The following EIF2AK4 variants were observed in gnomAD, a reference collection of about 807,000 sequenced individuals.
EIF2AK4 encodes eukaryotic translation initiation factor 2 alpha kinase 4, also known as eIF-2-alpha kinase GCN2.
A neutral mutation model predicts 211.1 loss-of-function variants in EIF2AK4; 139 were observed. That is an observed-to-expected ratio of 0.66 (90% CI 0.57 to 0.76). The LOEUF is 0.76. Ranked by LOEUF, EIF2AK4 falls within the 30% of genes least tolerant of loss-of-function variation. The probability of loss-of-function intolerance (pLI) is 0.00; values close to 1 mark genes in which losing one functional copy is unlikely to be tolerated. For synonymous variants in EIF2AK4, 710 were observed against 751.3 expected (o/e 0.94, Z 0.90); for missense variants, 1,664 against 2,043.8 (o/e 0.81, Z 3.58).
chr15:39,948,370 C>T (rs1479544396), intron 3 of EIF2AK4, among the ~76,000 whole-genome samples: 1 of 152,212 alleles, frequency 6.6e-6, no homozygotes, highest in Non-Finnish European at 1.5e-5. Context: ...CTCTTTACCT[C>T]TTTGGGGTTG....
At chr15:40,018,299 C>G (rs1449481718) in intron 29 of EIF2AK4, among the ~76,000 whole-genome samples, 1 of 152,064 alleles carries the variant, frequency 6.6e-6, no homozygotes, top group Non-Finnish European at 1.5e-5. Flanking sequence ...AGATTATTTT[C>G]TTTGTCTTTA....
intron 9 of EIF2AK4, among the ~76,000 whole-genome samples, chr15:39,968,403 C>T (rs1189306627): frequency 6.6e-6 from 1 of 152,164 alleles, no homozygotes; most frequent in East Asian, 1.9e-4. Context: ...ATTACAAAGC[C>T]AAGTTTTATC....
chr15:40,012,093 T>G (rs182803645), intron 27 of EIF2AK4, among the ~76,000 whole-genome samples: 252 of 152,202 alleles, frequency 1.7e-3, no homozygotes, highest in African/African-American at 6.0e-3. Flanking sequence ...ATCAGCAAAA[T>G]TCACATATGG....
intron 23 of EIF2AK4, among the ~76,000 whole-genome samples, chr15:40,005,751 T>G (rs1465488660): frequency 1.3e-5 from 2 of 151,802 alleles, no homozygotes; most frequent in Non-Finnish European, 1.5e-5. Flanking sequence ...TTTTGTATTT[T>G]TAGTAGAGAC....
At chr15:39,940,862 A>AC (rs1301260957) in intron 2 of EIF2AK4, among the ~76,000 whole-genome samples, 1 of 152,116 alleles carries the variant, frequency 6.6e-6, no homozygotes, top group Admixed American at 6.5e-5. Context: ...AGTACTTCTG[A>AC]CCATTTATAG....
At chr15:40,011,397 A>T (rs771216391) in intron 27 of EIF2AK4, 51 bp downstream of exon 27, 3 of 1,497,538 alleles carry the variant, frequency 2.0e-6, no homozygotes, top group Middle Eastern at 1.7e-4. Flanking sequence ...ATTTTGTGAT[A>T]CCAGAAAATG....
At position 39,939,580 on chromosome 15, in the gene EIF2AK4, G is replaced by A. The variant is rs759115064; in HGVS notation, c.220G>A (p.Asp74Asn). 6.1e-5 allele frequency: 99 copies of A among 1,612,810 alleles called. No individual in the cohort carries two copies. Among genetic ancestry groups the A allele is most frequent in the Non-Finnish European group, 8.2e-5 (97 of 1,179,210 alleles). The change falls in exon 2 of 39, where the codon GAT becomes AAT. Residue 74 changes from aspartate (D) to asparagine (N), a missense_variant. Coordinates refer to ENST00000263791, the MANE Select transcript of EIF2AK4 (RefSeq NM_001013703.4). ...TGGTGAAGAAGTATATGTAAAAGTGGATTTGAGGGTTAAATGCCCACCTAC... is the reference window on the plus strand; with the variant it reads ...TGGTGAAGAAGTATATGTAAAAGTGAATTTGAGGGTTAAATGCCCACCTAC... ...LTGEEVYVKV[D>N]LRVKCPPTYP... is the part of the protein sequence containing the mutation.
chr15:39,998,905 G>GA (rs1175075882), intron 20 of EIF2AK4, 121 bp downstream of exon 20: 8 of 744,742 alleles, frequency 1.1e-5, no homozygotes, highest in Non-Finnish European at 1.3e-5. Flanking sequence ...ACAACGTGGG[G>GA]AAAAAATATG....
rs780711125 is a variant in EIF2AK4 at position 39,985,868 on chromosome 15, G to A, written c.2383G>A (p.Val795Met). 4.3e-6 allele frequency: 7 copies of A among 1,613,946 alleles called. No individual in the cohort carries two copies. The East Asian group carries it at 8.9e-5, about 21-fold the overall frequency. ...TGAGCCATCAGTGACGACTGAGGCT[G>A]TGCACTACCTATACATCCAGGTGAG... ...ESEPSVTTEA[V>M]HYLYIQMEYC... Residue 795 changes from valine (V) to methionine (M), a missense_variant, in exon 14 of 39, where the codon GTG becomes ATG. Val to Met is a conservative substitution (Grantham distance 21). Coordinates refer to ENST00000263791, the MANE Select transcript of EIF2AK4 (RefSeq NM_001013703.4).
At chr15:39,989,964 C>T (rs1315944785) in intron 15 of EIF2AK4, among the ~76,000 whole-genome samples, 1 of 152,168 alleles carries the variant, frequency 6.6e-6, no homozygotes, top group African/African-American at 2.4e-5. Flanking sequence ...TCTCCCTGAC[C>T]AGAGGAGAGG....
At chr15:39,979,171 CTG>C (rs1464710306) in intron 13 of EIF2AK4, among the ~76,000 whole-genome samples, 2 of 152,060 alleles carry the variant, frequency 1.3e-5, no homozygotes, top group Admixed American at 6.6e-5. Context: ...GGCAAGGTGA[CTG>C]TGTAAAGCAA....
chr15:40,032,545 T>A (rs2035557703), intron 36 of EIF2AK4, among the ~76,000 whole-genome samples: 1 of 152,236 alleles, frequency 6.6e-6, no homozygotes, highest in South Asian at 2.1e-4. Context: ...CTTTCGGGTG[T>A]GGTGTAGAGG....
intron 3 of EIF2AK4, among the ~76,000 whole-genome samples, chr15:39,944,802 G>A (rs1595541872): frequency 1.3e-5 from 2 of 152,282 alleles, no homozygotes; most frequent in Admixed American, 1.3e-4. Flanking sequence ...ACTTTTATTA[G>A]ACATAACCAA....
chr15:39,942,015 G>A (rs557251494), intron 2 of EIF2AK4, among the ~76,000 whole-genome samples: 34 of 152,216 alleles, frequency 2.2e-4, no homozygotes, highest in African/African-American at 6.5e-4. Flanking sequence ...GAATTATATA[G>A]CAAGGAAATA....
At position 39,994,623 on chromosome 15, in the gene EIF2AK4, G is replaced by A. The variant is rs908452135; in HGVS notation, c.2766+1775G>A. Reference sequence around the variant, plus strand: ...GACCCTGTCTGAATCAATTATATATGTGTAAAATAAAATACATTAGGAAAG... The same window carrying A: ...GACCCTGTCTGAATCAATTATATATATGTAAAATAAAATACATTAGGAAAG... On this transcript the variant is annotated intron_variant, in intron 18 of 38. Transcript: ENST00000263791. 5.9e-5 allele frequency among the ~76,000 whole-genome samples: 9 copies of A among 152,278 alleles called. No individual in the cohort carries two copies. In the South Asian group the frequency reaches 6.2e-4, roughly 11 times the overall value.
chr15:39,951,985 T>A (rs2034324649), intron 4 of EIF2AK4, among the ~76,000 whole-genome samples: 1 of 152,244 alleles, frequency 6.6e-6, no homozygotes, highest in East Asian at 1.9e-4. Flanking sequence ...CCACACTCTT[T>A]GAATTATTGT....
intron 5 of EIF2AK4, among the ~76,000 whole-genome samples, chr15:39,955,361 T>C (rs1161284763): frequency 6.6e-6 from 1 of 152,240 alleles, no homozygotes; most frequent in Non-Finnish European, 1.5e-5. Context: ...AGTGAAGTTT[T>C]GATACATATA....
intron 5 of EIF2AK4, 144 bp from the exon 6 acceptor site, chr15:39,955,476 C>T (rs987371188): frequency 2.8e-5 from 22 of 777,040 alleles, no homozygotes; most frequent in Middle Eastern, 3.8e-4. Flanking sequence ...CTATTTTAAA[C>T]GATTAAAAGT....
intron 33 of EIF2AK4, 76 bp from the exon 34 acceptor site, chr15:40,029,330 T>C (rs1310534915): frequency 6.3e-7 from 1 of 1,577,804 alleles, no homozygotes; most frequent in East Asian, 2.3e-5. Flanking sequence ...TCACTATACA[T>C]GTAGTTCACT....
Sources: gnomAD v4.1 joint callset for allele counts (sites outside exome capture counted in the v4.1 genomes callset) on GRCh38, gnomAD v4.1.1 for gene constraint, MANE v1.5 for transcripts, NCBI Gene and HGNC (gene_info 2026-07-23, HGNC 2026-07-21) for gene names.